Variants in LUZP1 observed in about 807,000 individuals in gnomAD.
LUZP1 encodes leucine zipper protein 1, also known as filamin mechanobinding actin cross-linking protein.
Under a neutral mutation model 71.3 loss-of-function variants are expected in LUZP1, and 25 were observed. That is an observed-to-expected ratio of 0.35 (90% CI 0.26 to 0.49). The LOEUF (loss-of-function observed/expected upper bound fraction) is 0.49, where lower values mean the gene tolerates loss of function less well. Among genes scored for constraint, LUZP1 ranks in the 20% least tolerant of loss-of-function variants. The pLI, the probability that LUZP1 is intolerant of heterozygous loss-of-function variation, is 0.99. For missense variants in LUZP1, 1,142 were observed against 1,300.8 expected, an observed-to-expected ratio of 0.88 and a Z score of 1.88; for synonymous variants, 481 against 506.4, an observed-to-expected ratio of 0.95 and a Z score of 0.67.
At chr1:23,152,655 C>T (rs1172606023) in intron 2 of LUZP1, among the ~76,000 whole-genome samples, 12 of 152,140 alleles carry the variant, frequency 7.9e-5, no homozygotes, top group African/African-American at 2.9e-4. Flanking sequence ...TTCAGCCTAC[C>T]GAGTAGCTGG....
At chr1:23,169,586 G>A (rs571597172) in intron 1 of LUZP1, among the ~76,000 whole-genome samples, 8 of 152,272 alleles carry the variant, frequency 5.3e-5, no homozygotes, top group African/African-American at 1.7e-4. Flanking sequence ...CTATGTTCCC[G>A]ATTTTCATCT....
chr1:23,161,448 G>A lies in LUZP1; in HGVS notation c.-226+7318C>T, dbSNP rs567034518. On this transcript the variant is annotated intron_variant, in intron 2 of 4. Coordinates refer to ENST00000302291, the Ensembl canonical transcript of LUZP1. Reference sequence around the variant, plus strand: ...AGAGCCATGCATACAAAGGCCCTGAGGTAGGAAACAGCTCACTGAGTTTAA... The same window carrying A: ...AGAGCCATGCATACAAAGGCCCTGAAGTAGGAAACAGCTCACTGAGTTTAA... Among the ~76,000 whole-genome samples, 4 of 152,260 alleles carry A rather than the reference G, an allele frequency of 2.6e-5. No homozygotes were observed. The South Asian group carries it at 8.3e-4, about 32-fold the overall frequency.
intron 2 of LUZP1, among the ~76,000 whole-genome samples, chr1:23,131,793 C>A (rs1280064202): frequency 1.3e-5 from 2 of 152,180 alleles, no homozygotes; most frequent in Non-Finnish European, 2.9e-5. Flanking sequence ...TCAAGTGATT[C>A]TCTTGCCTCA....
chr1:23,087,675 T>C (rs1327500197), exon 5 of LUZP1: 1 of 152,662 alleles, frequency 6.6e-6, no homozygotes, highest in Non-Finnish European at 1.5e-5. Flanking sequence ...ATACAATTCT[T>C]TTCAACTTCC....
intron 2 of LUZP1, among the ~76,000 whole-genome samples, chr1:23,126,531 T>A (rs1557661742): frequency 6.6e-6 from 1 of 152,092 alleles, no homozygotes; most frequent in African/African-American, 2.4e-5. Flanking sequence ...ACTTACACTC[T>A]CTCTCACTGA....
At chr1:23,167,226 C>T (rs1644516662) in intron 2 of LUZP1, among the ~76,000 whole-genome samples, 1 of 152,126 alleles carries the variant, frequency 6.6e-6, no homozygotes, top group African/African-American at 2.4e-5. Flanking sequence ...AAAATCCAAA[C>T]CCCTCCCTCC....
At chr1:23,110,544 T>C (rs1187316308) in intron 2 of LUZP1, among the ~76,000 whole-genome samples, 1 of 151,868 alleles carries the variant, frequency 6.6e-6, no homozygotes, top group Non-Finnish European at 1.5e-5. Context: ...CCAAGACTAT[T>C]GGTCCCTTTA....
intron 2 of LUZP1, among the ~76,000 whole-genome samples, chr1:23,134,177 C>T (rs1321452992): frequency 6.6e-6 from 1 of 152,132 alleles, no homozygotes; most frequent in East Asian, 1.9e-4. Flanking sequence ...CTGACTCCTA[C>T]TCTAGATTAA....
At chr1:23,167,978 C>A (rs1375763027) in intron 2 of LUZP1, among the ~76,000 whole-genome samples, 2 of 151,648 alleles carry the variant, frequency 1.3e-5, no homozygotes, top group African/African-American at 4.8e-5. Context: ...GCCCCGCTCG[C>A]CGGCGTCCCC....
intron 1 of LUZP1, among the ~76,000 whole-genome samples, chr1:23,176,843 C>T (rs1250194593): frequency 6.6e-6 from 1 of 152,092 alleles, no homozygotes; most frequent in Non-Finnish European, 1.5e-5. Flanking sequence ...AGCTGGGGTC[C>T]TCAAAGCAGA....
intron 2 of LUZP1, among the ~76,000 whole-genome samples, chr1:23,161,628 G>A (rs75507470): frequency 1.6e-4 from 25 of 152,222 alleles, no homozygotes; most frequent in East Asian, 7.7e-4. Context: ...AGAAGTTAGC[G>A]TAACAGAGGC....
At chr1:23,136,627 C>T (rs953314739) in intron 2 of LUZP1, among the ~76,000 whole-genome samples, 1 of 151,106 alleles carries the variant, frequency 6.6e-6, no homozygotes, top group Non-Finnish European at 1.5e-5. Context: ...CCCAAAGTTC[C>T]GACGGGCACG....
At chr1:23,142,113 T>C (rs891341128) in intron 2 of LUZP1, among the ~76,000 whole-genome samples, 1 of 152,164 alleles carries the variant, frequency 6.6e-6, no homozygotes, top group African/African-American at 2.4e-5. Context: ...CCCAAAGTGC[T>C]GGGATTACAG....
At chr1:23,146,427 G>C (rs190902645) in intron 2 of LUZP1, among the ~76,000 whole-genome samples, 11 of 152,306 alleles carry the variant, frequency 7.2e-5, no homozygotes, top group African/African-American at 1.4e-4. Flanking sequence ...CTTAATAGCC[G>C]TATGGACAAG....
chr1:23,141,622 C>T (rs1381329366), intron 2 of LUZP1, among the ~76,000 whole-genome samples: 3 of 152,316 alleles, frequency 2.0e-5, no homozygotes, highest in Admixed American at 1.3e-4. Flanking sequence ...CAAAGCACTA[C>T]AGGCCAAGCA....
intron 2 of LUZP1, among the ~76,000 whole-genome samples, chr1:23,143,010 T>C (rs963231121): frequency 3.3e-5 from 5 of 151,934 alleles, no homozygotes; most frequent in Non-Finnish European, 7.4e-5. Flanking sequence ...CTCTATTTTT[T>C]TTTTCTTTTT....
At chr1:23,162,892 G>A (rs1039818482) in intron 2 of LUZP1, 3 of 152,022 alleles carry the variant, frequency 2.0e-5, no homozygotes, top group South Asian at 4.2e-4. Flanking sequence ...AAGATTACCC[G>A]GGTAGAAGCT....
intron 2 of LUZP1, among the ~76,000 whole-genome samples, chr1:23,130,912 C>T (rs768101553): frequency 1.3e-5 from 2 of 151,972 alleles, no homozygotes; most frequent in Non-Finnish European, 2.9e-5. Context: ...AGCTCATTTC[C>T]ACCTTAAGGT....
At chr1:23,096,014 C>A (rs550408505) in intron 3 of LUZP1, among the ~76,000 whole-genome samples, 1 of 151,938 alleles carries the variant, frequency 6.6e-6, no homozygotes, top group African/African-American at 2.4e-5. Flanking sequence ...AAAGATCCAT[C>A]TTTTACTTGA....
Sources: allele counts gnomAD v4.1 joint callset (sites outside exome capture counted in the v4.1 genomes callset), GRCh38; gene constraint gnomAD v4.1.1; transcripts MANE v1.5; gene names NCBI Gene and HGNC (gene_info 2026-07-23, HGNC 2026-07-21).